Variants in EYS observed in about 807,000 individuals in gnomAD.
EYS encodes EGF-like photoreceptor maintenance factor.
In EYS, 250 loss-of-function variants were observed where a neutral mutation model predicts 282.1. The observed-to-expected ratio is 0.89, with a 90% confidence interval of 0.80 to 0.98. EYS has a LOEUF of 0.98. Ranked by LOEUF, EYS falls within the 50% of genes least tolerant of loss-of-function variation. The probability of loss-of-function intolerance (pLI) is 0.00; values close to 1 mark genes in which losing one functional copy is unlikely to be tolerated. For synonymous variants in EYS, 1,355 were observed against 1,282.9 expected, an observed-to-expected ratio of 1.06 and a Z score of -1.20; for missense variants, 4,016 against 3,709.0, an observed-to-expected ratio of 1.08 and a Z score of -2.15.
intron 33 of EYS, among the ~76,000 whole-genome samples, chr6:64,027,832 C>T (rs1013248249): frequency 3.9e-5 from 6 of 152,268 alleles, no homozygotes; most frequent in South Asian, 2.1e-4. Flanking sequence ...CTGGGGCAAG[C>T]GCCAGCTCAT....
intron 22 of EYS, among the ~76,000 whole-genome samples, chr6:64,729,930 A>ACAT (rs1562159439): frequency 6.6e-6 from 1 of 152,222 alleles, no homozygotes; most frequent in African/African-American, 2.4e-5. Context: ...GCATGTAAAG[A>ACAT]CATTAATAAC....
chr6:65,259,673 TC>T (rs1767566286), intron 12 of EYS, among the ~76,000 whole-genome samples: 1 of 152,232 alleles, frequency 6.6e-6, no homozygotes, highest in Middle Eastern at 3.4e-3. Context: ...CTTCTTTGGC[TC>T]CATAGGACTG....
At chr6:64,660,125 A>G (rs2149886660) in intron 22 of EYS, among the ~76,000 whole-genome samples, 1 of 152,296 alleles carries the variant, frequency 6.6e-6, no homozygotes, top group African/African-American at 2.4e-5. Context: ...AACAGAACCA[A>G]CGACAAAAAC....
At chr6:64,194,684 G>A (rs1341513166) in intron 31 of EYS, among the ~76,000 whole-genome samples, 1 of 152,174 alleles carries the variant, frequency 6.6e-6, no homozygotes, top group African/African-American at 2.4e-5. Flanking sequence ...GATATTTCTT[G>A]TGATTAGCAA....
chr6:65,104,009 TCA>T (rs1774966126), intron 12 of EYS, among the ~76,000 whole-genome samples: 1 of 151,444 alleles, frequency 6.6e-6, no homozygotes, highest in Admixed American at 6.6e-5. Flanking sequence ...ATCTTGTTGT[TCA>T]TGACTCTAAG....
chr6:64,267,929 G>A (rs953973348), intron 30 of EYS, among the ~76,000 whole-genome samples: 5 of 152,026 alleles, frequency 3.3e-5, no homozygotes, highest in African/African-American at 7.2e-5. Flanking sequence ...ATGGTGATAG[G>A]AATTGAACTG....
intron 12 of EYS, among the ~76,000 whole-genome samples, chr6:65,283,919 A>AAT (rs1364047356): frequency 6.6e-6 from 1 of 152,156 alleles, no homozygotes; most frequent in Non-Finnish European, 1.5e-5. Flanking sequence ...TTGCTTACAA[A>AAT]ATAGTAGGTT....
intron 13 of EYS, among the ~76,000 whole-genome samples, chr6:65,036,955 C>G (rs1313801746): frequency 6.6e-6 from 1 of 151,974 alleles, no homozygotes; most frequent in Non-Finnish European, 1.5e-5. Flanking sequence ...AATGCCAGTA[C>G]TGGGTATATA....
intron 19 of EYS, among the ~76,000 whole-genome samples, chr6:64,848,798 T>C (rs750111755): frequency 3.3e-5 from 5 of 152,048 alleles, no homozygotes; most frequent in Admixed American, 6.6e-5. Context: ...AAATTCTTCC[T>C]ATGGCAATAA....
chr6:64,227,742 T>A (rs1766292409), intron 31 of EYS, among the ~76,000 whole-genome samples: 1 of 152,096 alleles, frequency 6.6e-6, no homozygotes. Flanking sequence ...GAAGTTCATA[T>A]ATTTTAGGTG....
intron 30 of EYS, among the ~76,000 whole-genome samples, chr6:64,245,735 G>A (rs1766989858): frequency 6.6e-6 from 1 of 151,948 alleles, no homozygotes; most frequent in African/African-American, 2.4e-5. Flanking sequence ...AAAACTTAGA[G>A]GCCTGAGGAT....
intron 35 of EYS, among the ~76,000 whole-genome samples, chr6:63,945,900 A>T (rs1337969076): frequency 6.6e-6 from 1 of 152,234 alleles, no homozygotes; most frequent in African/African-American, 2.4e-5. Flanking sequence ...TAATGGCTTC[A>T]CAAGTATTTG....
intron 31 of EYS, among the ~76,000 whole-genome samples, chr6:64,156,391 T>A (rs188378955): frequency 0.028 from 4,266 of 152,034 alleles, 64 homozygotes; most frequent in Non-Finnish European, 0.045. Context: ...CCTCTTTTTT[T>A]CCCCCAGTCT....
At chr6:65,369,326 A>ATT (rs1562127801) in intron 8 of EYS, among the ~76,000 whole-genome samples, 2 of 142,596 alleles carry the variant, frequency 1.4e-5, no homozygotes, top group East Asian at 2.0e-4. Flanking sequence ...TTATATATAT[A>ATT]TATTTATATA....
At chr6:64,504,003 A>T (rs756431261) in intron 26 of EYS, among the ~76,000 whole-genome samples, 1 of 152,154 alleles carries the variant, frequency 6.6e-6, no homozygotes, top group African/African-American at 2.4e-5. Context: ...CAATGATTGT[A>T]TGTTTCCTGA....
intron 12 of EYS, among the ~76,000 whole-genome samples, chr6:65,063,385 C>G (rs1361594882): frequency 6.6e-6 from 1 of 151,950 alleles, no homozygotes; most frequent in African/African-American, 2.4e-5. Context: ...ACATAAAAAT[C>G]TCACTGTATA....
chr6:64,832,108 A>G (rs762450530), intron 19 of EYS, among the ~76,000 whole-genome samples: 8 of 151,946 alleles, frequency 5.3e-5, no homozygotes, highest in Non-Finnish European at 1.2e-4. Context: ...TAATTAATAC[A>G]TAATTACTTA....
chr6:65,133,638 C>T (rs995204912), intron 12 of EYS, among the ~76,000 whole-genome samples: 2 of 152,058 alleles, frequency 1.3e-5, no homozygotes, highest in African/African-American at 2.4e-5. Context: ...GGATTAAACA[C>T]TTAAATGTAA....
rs939952006 is a variant in EYS, at chr6:64,242,779, T to C, written c.6192-11955A>G. Among the ~76,000 whole-genome samples, 12 of 149,960 alleles carry C rather than the reference T, an allele frequency of 8.0e-5. No individual in the cohort carries two copies. In the East Asian group the frequency reaches 1.2e-3, roughly 15 times the overall value. Reference sequence around the variant, plus strand: ...GTTCCTCTGAGATTAACTTTAACCTTAAAATCTCACATTTTTCATCCTTCA... The same window carrying C: ...GTTCCTCTGAGATTAACTTTAACCTCAAAATCTCACATTTTTCATCCTTCA... On this transcript the variant is annotated intron_variant, in intron 30 of 42. Coordinates refer to ENST00000503581, the MANE Select transcript of EYS (RefSeq NM_001142800.2).
Sources: allele counts gnomAD v4.1 joint callset (sites outside exome capture counted in the v4.1 genomes callset), GRCh38; gene constraint gnomAD v4.1.1; transcripts MANE v1.5; gene names NCBI Gene and HGNC (gene_info 2026-07-23, HGNC 2026-07-21).